KIRREL3: variants seen among roughly 807,000 people sequenced by gnomAD.
KIRREL3 encodes the protein kin of IRRE-like protein 3.
In KIRREL3, 36 loss-of-function variants were observed where a neutral mutation model predicts 89.7. That is an observed-to-expected ratio of 0.40 (90% confidence interval 0.31 to 0.53). The LOEUF is 0.53. Among genes scored for constraint, KIRREL3 ranks in the 20% least tolerant of loss-of-function variants. The pLI, the probability that KIRREL3 is intolerant of heterozygous loss-of-function variation, is 0.49. For missense variants in KIRREL3, 864 were observed against 1,056.6 expected (o/e 0.82, Z 2.53); for synonymous variants, 445 against 441.4 (o/e 1.01, Z -0.10).
chr11:126,895,647 G>C (rs1395653963), intron 1 of KIRREL3, among the ~76,000 whole-genome samples: 1 of 152,120 alleles, frequency 6.6e-6, no homozygotes, highest in Non-Finnish European at 1.5e-5. Context: ...CTAGGTCTTA[G>C]ACCCAGCAAG....
At chr11:126,765,173 C>G (rs1949783656) in intron 1 of KIRREL3, among the ~76,000 whole-genome samples, 1 of 152,204 alleles carries the variant, frequency 6.6e-6, no homozygotes, top group Non-Finnish European at 1.5e-5. Context: ...ACCAAATACC[C>G]TGGCCCAACT....
At chr11:126,864,312 T>G (rs1332047482) in intron 1 of KIRREL3, among the ~76,000 whole-genome samples, 1 of 152,166 alleles carries the variant, frequency 6.6e-6, no homozygotes, top group Non-Finnish European at 1.5e-5. Context: ...GACAGTGGCT[T>G]CCAAAATAAT....
Position 126,683,860 on chromosome 11 carries a change from G to A in KIRREL3, c.56-120948C>T, listed in dbSNP as rs1010713615. ...TTGAAACCCTCGCCAGGCCCCAGAC[G>A]CGCGTGGGTCCACCTACCGTCCATC... On this transcript the variant is annotated intron_variant, in intron 1 of 16. Transcript: ENST00000525144. This position sits in a 1 kb window ranked among gnomAD's most constrained non-coding sequence, Gnocchi z 5.2. Among the ~76,000 whole-genome samples the A allele has an allele frequency of 2.0e-5, 3 of 152,214 alleles. No homozygotes were observed. Among genetic ancestry groups the A allele is most frequent in the Non-Finnish European group, 2.9e-5 (2 of 68,032 alleles).
At position 126,424,604 on chromosome 11, in the gene KIRREL3, C is replaced by T. The variant is rs373961669; in HGVS notation, c.2313G>A (p.Gln771=). ...CTTAGACGTGAGTCTGCATCCGCCG[C>T]TGCAGGGGTCGACTGGGGTCAGAGT... The part of the protein sequence containing the change: ...SQNSDPSRPL[Q]RRMQTHV The change falls in exon 17 of 17, where the codon CAG becomes CAA. Residue 771 remains glutamine (Q), a synonymous_variant. Coordinates refer to ENST00000525144, the MANE Select transcript of KIRREL3 (RefSeq NM_032531.4). 4 of 1,613,890 alleles carry T rather than the reference C, an allele frequency of 2.5e-6. No homozygotes were observed. Among genetic ancestry groups the T allele is most frequent in the Non-Finnish European group, 3.4e-6 (4 of 1,179,900 alleles).
At position 126,531,050 on chromosome 11, in the gene KIRREL3, G is replaced by A. The variant is rs1340074830; in HGVS notation, c.134-4363C>T. 2.0e-5 allele frequency among the ~76,000 whole-genome samples: 3 copies of A among 151,980 alleles called. No homozygotes were observed. On this transcript the variant is annotated intron_variant, in intron 2 of 16. Transcript: ENST00000525144. This position sits in a 1 kb window ranked among gnomAD's most constrained non-coding sequence, Gnocchi z 4.7. ...TCACCATATTGGCCAGGCTGGTCTC[G>A]AACTCCTGACCTCATGATCCACCTG...
In KIRREL3 at chr11:126,501,615, G is replaced by GAT; in HGVS notation, c.433+19699_433+19700insAT. Among the ~76,000 whole-genome samples, 1 of 152,298 alleles carries GAT rather than the reference G, an allele frequency of 6.6e-6. No homozygotes were observed. Among genetic ancestry groups the GAT allele is most frequent in the Admixed American group, 6.5e-5 (1 of 15,298 alleles). On this transcript the variant is annotated intron_variant, in intron 4 of 16. Coordinates refer to ENST00000525144, the MANE Select transcript of KIRREL3 (RefSeq NM_032531.4). The surrounding 1 kb of genome is among the most constrained non-coding windows in gnomAD (Gnocchi z 5.8). ...GCTCTTTAAAATAGGGCAGTTATTA[G>GAT]CAGGGAAGGAACACACTGCCCACTC...
rs1429688855 is a variant in KIRREL3 at position 126,653,882 on chromosome 11, A to G, written c.56-90970T>C. Among the ~76,000 whole-genome samples, 4 of 152,168 alleles carry G rather than the reference A, an allele frequency of 2.6e-5. No homozygotes were observed. Among genetic ancestry groups the G allele is most frequent in the African/African-American group, 9.7e-5 (4 of 41,450 alleles). On this transcript the variant is annotated intron_variant, in intron 1 of 16. Transcript: ENST00000525144. The surrounding 1 kb of genome is among the most constrained non-coding windows in gnomAD (Gnocchi z 5.4). ...TTCCTCTATAGCCATTTTTAGTTGC[A>G]CCAAAGGGGGGAGTTGAAAAATAGA...
At chr11:126,874,691 G>A (rs1945214175) in intron 1 of KIRREL3, among the ~76,000 whole-genome samples, 1 of 152,178 alleles carries the variant, frequency 6.6e-6, no homozygotes, top group African/African-American at 2.4e-5. Flanking sequence ...TCTACAAAAT[G>A]TTTCCTCAAA....
At chr11:126,658,916 AGTTGT>A (rs1945273886) in intron 1 of KIRREL3, among the ~76,000 whole-genome samples, 1 of 152,348 alleles carries the variant, frequency 6.6e-6, no homozygotes, top group African/African-American at 2.4e-5. Flanking sequence ...GAGCATGGGA[AGTTGT>A]CCAAAGTGAC....
chr11:126,966,831 C>T (rs1285081675), intron 1 of KIRREL3, among the ~76,000 whole-genome samples: 4 of 152,162 alleles, frequency 2.6e-5, no homozygotes, highest in African/African-American at 9.7e-5. Flanking sequence ...GATAATAAAC[C>T]TAAAACAATC....
rs1351054365 is a variant in KIRREL3 at position 126,455,941 on chromosome 11, C to G, written c.848+408G>C. Among the ~76,000 whole-genome samples, 1 of 151,630 alleles carries G rather than the reference C, an allele frequency of 6.6e-6. No individual in the cohort carries two copies. Among genetic ancestry groups the G allele is most frequent in the East Asian group, 1.9e-4 (1 of 5,134 alleles). ...TGGACTGGGCCGGGGCCCAGACATC[C>G]TGATCTACCCAGGTGAACCAGTTTG... On this transcript the variant is annotated intron_variant, in intron 7 of 16. Coordinates refer to ENST00000525144, the MANE Select transcript of KIRREL3 (RefSeq NM_032531.4). This position sits in a 1 kb window ranked among gnomAD's most constrained non-coding sequence, Gnocchi z 6.4.
At chr11:126,533,082 C>T (rs184618431) in intron 2 of KIRREL3, among the ~76,000 whole-genome samples, 32 of 152,288 alleles carry the variant, frequency 2.1e-4, no homozygotes, top group African/African-American at 7.7e-4. Context: ...GCTGAGATTA[C>T]AGGTGTGAGC....
chr11:126,571,710 A>G lies in KIRREL3; in HGVS notation c.56-8798T>C, dbSNP rs1415423603. ...GTAAGTGCTGAGGTTAGTAAAGCTAATCATGAATGAGATTCTTTGGACTTC... is the reference window on the plus strand; with the variant it reads ...GTAAGTGCTGAGGTTAGTAAAGCTAGTCATGAATGAGATTCTTTGGACTTC... On this transcript the variant is annotated intron_variant, in intron 1 of 16. Coordinates refer to ENST00000525144, the MANE Select transcript of KIRREL3 (RefSeq NM_032531.4). This position sits in a 1 kb window ranked among gnomAD's most constrained non-coding sequence, Gnocchi z 7.7. 6.6e-6 allele frequency among the ~76,000 whole-genome samples: 1 copy of G among 152,054 alleles called. No homozygotes were observed. Among genetic ancestry groups the G allele is most frequent in the Non-Finnish European group, 1.5e-5 (1 of 68,024 alleles).
intron 1 of KIRREL3, among the ~76,000 whole-genome samples, chr11:126,925,587 C>G (rs960073836): frequency 6.6e-6 from 1 of 152,180 alleles, no homozygotes; most frequent in South Asian, 2.1e-4. Flanking sequence ...TCCTCCTTGG[C>G]AGTATGTCTT....
In KIRREL3 at chr11:126,997,475, C is replaced by T. The variant is rs1358301183; in HGVS notation, c.55+2980G>A. 6.6e-6 allele frequency among the ~76,000 whole-genome samples: 1 copy of T among 152,078 alleles called. No individual in the cohort carries two copies. The highest frequency in any genetic ancestry group is 2.4e-5 in the African/African-American group (1 of 41,420). ...TGGAATCGGGAGGAATGTTATTTAG[C>T]CTTACTACTGCCACCTTAAGAAAGA... On this transcript the variant is annotated intron_variant, in intron 1 of 16. Coordinates refer to ENST00000525144, the MANE Select transcript of KIRREL3 (RefSeq NM_032531.4). This position sits in a 1 kb window ranked among gnomAD's most constrained non-coding sequence, Gnocchi z 4.3.
At chr11:126,790,674 G>A (rs1217358923) in intron 1 of KIRREL3, among the ~76,000 whole-genome samples, 4 of 152,144 alleles carry the variant, frequency 2.6e-5, no homozygotes, top group Admixed American at 1.3e-4. Flanking sequence ...ATGAGTTCAC[G>A]AGCAGAGTCA....
Position 126,991,153 on chromosome 11 carries a change from G to A in KIRREL3, c.55+9302C>T, listed in dbSNP as rs1950023511. Among the ~76,000 whole-genome samples, 8 of 152,166 alleles carry A rather than the reference G, an allele frequency of 5.3e-5. No individual in the cohort carries two copies. Among genetic ancestry groups the A allele is most frequent in the Admixed American group, 5.2e-4 (8 of 15,268 alleles). ...GGCTTGGCAGAGGCTGTTTCTCTTG[G>A]CGTTGTCTCTGGTGACCCAAAGGGC... On this transcript the variant is annotated intron_variant, in intron 1 of 16. Coordinates refer to ENST00000525144, the MANE Select transcript of KIRREL3 (RefSeq NM_032531.4). This position sits in a 1 kb window ranked among gnomAD's most constrained non-coding sequence, Gnocchi z 5.8.
chr11:126,625,392 G>A (rs1943740247), intron 1 of KIRREL3, among the ~76,000 whole-genome samples: 1 of 152,164 alleles, frequency 6.6e-6, no homozygotes, highest in Admixed American at 6.5e-5. Flanking sequence ...AAATCTCAGG[G>A]TTGGTCGTTG....
intron 1 of KIRREL3, among the ~76,000 whole-genome samples, chr11:126,582,544 C>T (rs571092352): frequency 6.6e-6 from 1 of 152,284 alleles, no homozygotes; most frequent in East Asian, 1.9e-4. Context: ...ATTTACCTCC[C>T]CAGTCTGAAT....
Sources: allele counts gnomAD v4.1 joint callset (sites outside exome capture counted in the v4.1 genomes callset), GRCh38; gene constraint gnomAD v4.1.1; non-coding constraint Gnocchi (gnomAD v3.1); transcripts MANE v1.5; gene names NCBI Gene and HGNC (gene_info 2026-07-23, HGNC 2026-07-21).